The following DRC8 variants were observed in gnomAD, a reference collection of about 807,000 sequenced individuals.
The protein encoded by DRC8 is dynein regulatory complex subunit 8, also known as dynein regulatory complex protein 8.
At chr1:245,072,284 T>C in the DRC8 span, among the ~76,000 whole-genome samples, 6 of 152,086 alleles carry the variant, frequency 3.9e-5, no homozygotes, top group Non-Finnish European at 8.8e-5. Flanking sequence ...GAAGAAACCT[T>C]TTTTCTTTTT....
chr1:245,026,539 G>C, the DRC8 span, among the ~76,000 whole-genome samples: 1 of 152,226 alleles, frequency 6.6e-6, no homozygotes, highest in African/African-American at 2.4e-5. Context: ...AAGCTACTCA[G>C]AGAGCTTTAT....
At chr1:244,988,216 T>C in the DRC8 span, among the ~76,000 whole-genome samples, 1 of 152,158 alleles carries the variant, frequency 6.6e-6, no homozygotes, top group Admixed American at 6.6e-5. Flanking sequence ...CGGGTCCCAC[T>C]ATGTTGCCTA....
the DRC8 span, among the ~76,000 whole-genome samples, chr1:245,065,073 C>CTTTT: frequency 1.5e-3 from 124 of 81,574 alleles, 1 homozygote; most frequent in African/African-American, 2.2e-3. Context: ...TAACATTCTT[C>CTTTT]TTTTTTTTTT....
At chr1:245,086,777 TG>T in the DRC8 span, 6 of 533,380 alleles carry the variant, frequency 1.1e-5, no homozygotes, top group Admixed American at 9.7e-5. Context: ...TAAGCTAAGG[TG>T]GGGAGCTGTG....
chr1:245,017,682 A>G, the DRC8 span, among the ~76,000 whole-genome samples: 2 of 152,182 alleles, frequency 1.3e-5, no homozygotes, highest in East Asian at 1.9e-4. Context: ...AAAACACATA[A>G]ATATGTATTA....
chr1:244,999,508 C>T, the DRC8 span, among the ~76,000 whole-genome samples: 1 of 152,274 alleles, frequency 6.6e-6, no homozygotes, highest in East Asian at 1.9e-4. Context: ...TTAAGCCTTC[C>T]TTCTTAGTTA....
chr1:244,972,468 G>T, the DRC8 span, among the ~76,000 whole-genome samples: 2 of 152,188 alleles, frequency 1.3e-5, no homozygotes, highest in African/African-American at 4.8e-5. Flanking sequence ...GGCTGCCACC[G>T]ACCTAATAAT....
the DRC8 span, among the ~76,000 whole-genome samples, chr1:244,986,177 A>T: frequency 6.7e-6 from 1 of 150,320 alleles, no homozygotes; most frequent in African/African-American, 2.5e-5. Context: ...CTGGTCTTGA[A>T]CTCCTGACCT....
At chr1:245,050,578 C>T in the DRC8 span, among the ~76,000 whole-genome samples, 43,335 of 152,012 alleles carry the variant, frequency 0.29, 6,398 homozygotes, top group Middle Eastern at 0.35. Context: ...ATAGTACCTA[C>T]CTCCTAGTTG....
At chr1:245,069,052 A>G in the DRC8 span, among the ~76,000 whole-genome samples, 1 of 152,184 alleles carries the variant, frequency 6.6e-6, no homozygotes, top group African/African-American at 2.4e-5. Flanking sequence ...TATAACATGG[A>G]TGAAACTTAA....
At chr1:245,016,991 C>T in the DRC8 span, among the ~76,000 whole-genome samples, 1 of 152,140 alleles carries the variant, frequency 6.6e-6, no homozygotes, top group Non-Finnish European at 1.5e-5. Flanking sequence ...TATGTAAACA[C>T]TTAATTAAGC....
At chr1:245,124,103 G>T in the DRC8 span, 1 of 187,696 alleles carries the variant, frequency 5.3e-6, no homozygotes, top group Non-Finnish European at 1.1e-5. Flanking sequence ...ATCTCTTGGA[G>T]ATGGCTGCAG....
At chr1:245,087,173 T>A in the DRC8 span, 2 of 1,556,812 alleles carry the variant, frequency 1.3e-6, no homozygotes, top group South Asian at 2.4e-5. Context: ...CCATGGCTAT[T>A]AAGCTGGCTA....
chr1:245,015,572 T>G, the DRC8 span: 1 of 157,042 alleles, frequency 6.4e-6, no homozygotes, highest in Admixed American at 6.5e-5. Flanking sequence ...TAGCTGGGCA[T>G]GGTGGTGTGC....
chr1:245,024,993 A>T, the DRC8 span, among the ~76,000 whole-genome samples: 1 of 151,912 alleles, frequency 6.6e-6, no homozygotes, highest in Non-Finnish European at 1.5e-5. Context: ...AGCCTTAGTC[A>T]TGATGTGTCT....
the DRC8 span, chr1:245,059,558 C>G: frequency 1.1e-6 from 1 of 924,450 alleles, no homozygotes; most frequent in Non-Finnish European, 1.7e-6. Context: ...AAAAGTGCCC[C>G]AAACTACTGA....
the DRC8 span, among the ~76,000 whole-genome samples, chr1:245,068,501 G>A: frequency 1.3e-4 from 20 of 152,054 alleles, no homozygotes; most frequent in Non-Finnish European, 2.8e-4. Context: ...GAGTACTATG[G>A]CAAGATCATA....
the DRC8 span, among the ~76,000 whole-genome samples, chr1:245,019,799 C>T: frequency 6.6e-6 from 1 of 152,062 alleles, no homozygotes; most frequent in Non-Finnish European, 1.5e-5. Flanking sequence ...AAACTAAAAA[C>T]TAAAAAATAA....
chr1:245,078,042 G>C, the DRC8 span, among the ~76,000 whole-genome samples: 20 of 151,936 alleles, frequency 1.3e-4, no homozygotes, highest in Admixed American at 1.2e-3. Context: ...TAAAAAAAAC[G>C]GAAAAAAGGA....
Sources: gnomAD v4.1 joint callset for allele counts (sites outside exome capture counted in the v4.1 genomes callset) on GRCh38, gnomAD v4.1.1 for gene constraint, MANE v1.5 for transcripts, NCBI Gene and HGNC (gene_info 2026-07-23, HGNC 2026-07-21) for gene names.